Variants in WWC2 observed in about 807,000 individuals in gnomAD.
WWC2 encodes protein WWC2.
Under a neutral mutation model 138.5 loss-of-function variants are expected in WWC2, and 101 were observed. That is an observed-to-expected ratio of 0.73 (90% CI 0.62 to 0.86). The LOEUF (loss-of-function observed/expected upper bound fraction) is 0.86. Among genes scored for constraint, WWC2 ranks in the 40% least tolerant of loss-of-function variants. The pLI is 0.00. For synonymous variants in WWC2, 558 were observed against 538.4 expected (o/e 1.04, Z -0.50); for missense variants, 1,420 against 1,419.4 (o/e 1.00, Z -0.01).
intron 1 of WWC2, among the ~76,000 whole-genome samples, chr4:183,116,977 A>G (rs1317115591): frequency 6.6e-6 from 1 of 152,094 alleles, no homozygotes; most frequent in Non-Finnish European, 1.5e-5. Flanking sequence ...GCTGAGATCT[A>G]TATGCTATAA....
intron 6 of WWC2, among the ~76,000 whole-genome samples, chr4:183,246,880 A>C (rs1387235834): frequency 6.6e-6 from 1 of 152,140 alleles, no homozygotes; most frequent in Non-Finnish European, 1.5e-5. Context: ...TTTAAAAAAA[A>C]AAGTTAATAG....
intron 3 of WWC2, 119 bp from the exon 4 acceptor site, chr4:183,208,830 A>G (rs772536011): frequency 1.5e-6 from 1 of 651,708 alleles, no homozygotes; most frequent in Non-Finnish European, 2.6e-6. Context: ...CAATAAAGGA[A>G]TTAGAAAGCA....
intron 20 of WWC2, among the ~76,000 whole-genome samples, chr4:183,286,295 C>T (rs570503299): frequency 1.2e-4 from 18 of 152,120 alleles, no homozygotes; most frequent in Admixed American, 3.9e-4. Context: ...GCTGGAAATG[C>T]GGTTTCAGTA....
intron 1 of WWC2, among the ~76,000 whole-genome samples, chr4:183,190,570 T>C (rs1292106968): frequency 6.6e-6 from 1 of 152,086 alleles, no homozygotes; most frequent in Non-Finnish European, 1.5e-5. Flanking sequence ...TACTTATTGA[T>C]AGAGTGCAGA....
Position 183,282,741 on chromosome 4 carries a change from T to C in WWC2, c.2718T>C (p.Ile906=), listed in dbSNP as rs1269350639. 6.3e-7 allele frequency: 1 copy of C among 1,577,504 alleles called. No homozygotes were observed. Among genetic ancestry groups the C allele is most frequent in the Non-Finnish European group, 8.6e-7 (1 of 1,160,822 alleles). The change falls in exon 18 of 23, where the codon ATT becomes ATC. Residue 906 remains isoleucine, a synonymous_variant. Transcript: ENST00000403733. The stretch of plus-strand genomic sequence containing the variant: ...TGCTAAGAGAGGCCTCTGATGAAAT[T>C]GTGGCTGAAAAAGAGGCTGAAGTTA... ...LTMLREASDE[I]VAEKEAEVKL...
intron 21 of WWC2, among the ~76,000 whole-genome samples, chr4:183,310,150 G>C (rs181647019): frequency 4.6e-5 from 7 of 152,146 alleles, no homozygotes; most frequent in Non-Finnish European, 8.8e-5. Context: ...TTATACTTTT[G>C]CCAAAACCCA....
intron 4 of WWC2, among the ~76,000 whole-genome samples, chr4:183,230,769 A>G (rs1382003142): frequency 6.6e-6 from 1 of 152,150 alleles, no homozygotes; most frequent in African/African-American, 2.4e-5. Context: ...TAAAATTGAC[A>G]TATCTCTCAG....
At chr4:183,296,124 C>T (rs1031975964) in intron 21 of WWC2, among the ~76,000 whole-genome samples, 4 of 152,368 alleles carry the variant, frequency 2.6e-5, no homozygotes, top group Non-Finnish European at 5.9e-5. Flanking sequence ...CCAGTGTCTT[C>T]ATAAAGGTGC....
chr4:183,196,165 G>A (rs1438332729), intron 2 of WWC2, among the ~76,000 whole-genome samples: 3 of 152,136 alleles, frequency 2.0e-5, no homozygotes, highest in African/African-American at 7.2e-5. Flanking sequence ...AGACACTGGG[G>A]CCGTGCTTGT....
rs573137508 is a variant in WWC2 at position 183,303,242 on chromosome 4, C to T, written c.3385-9099C>T. On this transcript the variant is annotated intron_variant, in intron 21 of 22. Transcript: ENST00000403733. ...TAATTCCTTTTGTAAGACAGCGTTG[C>T]AAGTAACTTCTGCAAATATAGACAG... Among the ~76,000 whole-genome samples the T allele has an allele frequency of 2.0e-5, 3 of 152,256 alleles. No homozygotes were observed. The South Asian group carries it at 6.2e-4, about 32-fold the overall frequency.
rs576577963 is a variant in WWC2 at position 183,314,719 on chromosome 4, G to A, written c.3513-944G>A. Among the ~76,000 whole-genome samples the A allele has an allele frequency of 2.0e-5, 3 of 152,274 alleles. No individual in the cohort carries two copies. The East Asian group carries it at 5.8e-4, about 29-fold the overall frequency. On this transcript the variant is annotated intron_variant, in intron 22 of 22. Transcript: ENST00000403733. Reference sequence around the variant, plus strand: ...TTTAAACACCCCAGTTAGCAGCTGCGCCTTAAGGCCTCCGCTGACATCACA... The same window carrying A: ...TTTAAACACCCCAGTTAGCAGCTGCACCTTAAGGCCTCCGCTGACATCACA...
intron 4 of WWC2, among the ~76,000 whole-genome samples, chr4:183,220,399 CT>C (rs999660248): frequency 6.6e-6 from 1 of 152,032 alleles, no homozygotes; most frequent in African/African-American, 2.4e-5. Context: ...GATTTTTGCT[CT>C]TTTTTTCTAC....
intron 21 of WWC2, among the ~76,000 whole-genome samples, chr4:183,304,800 A>C (rs1194815798): frequency 1.3e-5 from 2 of 152,208 alleles, no homozygotes; most frequent in Admixed American, 1.3e-4. Context: ...ACAAAACTAA[A>C]GGCTGTTTGC....
chr4:183,105,100 G>A (rs1197956048), intron 1 of WWC2, among the ~76,000 whole-genome samples: 2 of 151,940 alleles, frequency 1.3e-5, no homozygotes, highest in Admixed American at 6.6e-5. Context: ...GTAGAGATGC[G>A]GTATCACCAT....
At chr4:183,108,356 A>G (rs1732112127) in intron 1 of WWC2, among the ~76,000 whole-genome samples, 2 of 151,984 alleles carry the variant, frequency 1.3e-5, no homozygotes, top group Admixed American at 1.3e-4. Context: ...AACCGTAGTA[A>G]CTCCAGTCTA....
chr4:183,173,648 C>T (rs1017249875), intron 1 of WWC2, among the ~76,000 whole-genome samples: 1 of 151,800 alleles, frequency 6.6e-6, no homozygotes, highest in Admixed American at 6.6e-5. Context: ...TCTCCCCTAC[C>T]TGGATGATCG....
At chr4:183,175,738 A>G (rs947043817) in intron 1 of WWC2, among the ~76,000 whole-genome samples, 11 of 152,210 alleles carry the variant, frequency 7.2e-5, no homozygotes, top group Non-Finnish European at 1.6e-4. Flanking sequence ...CTATAGAAAA[A>G]GATAAATAAA....
intron 1 of WWC2, among the ~76,000 whole-genome samples, chr4:183,135,167 C>T (rs1378202597): frequency 1.3e-5 from 2 of 152,132 alleles, no homozygotes; most frequent in African/African-American, 4.8e-5. Context: ...GATCCACCCA[C>T]CTAGACCTCC....
intron 14 of WWC2, among the ~76,000 whole-genome samples, chr4:183,267,081 T>G (rs901647826): frequency 3.3e-5 from 5 of 151,528 alleles, no homozygotes; most frequent in African/African-American, 1.2e-4. Context: ...CCCAGGCTGG[T>G]CTTGAACTCC....
Sources: allele counts gnomAD v4.1 joint callset (sites outside exome capture counted in the v4.1 genomes callset), GRCh38; gene constraint gnomAD v4.1.1; transcripts MANE v1.5; gene names NCBI Gene and HGNC (gene_info 2026-07-23, HGNC 2026-07-21).